CNTNAP2: variants seen among roughly 807,000 people sequenced by gnomAD.
CNTNAP2 encodes contactin associated protein 2, also known as contactin-associated protein-like 2.
Under a neutral mutation model 155.2 loss-of-function variants are expected in CNTNAP2, and 98 were observed. The observed-to-expected ratio is 0.63, with a 90% CI of 0.54 to 0.75. CNTNAP2 has a LOEUF of 0.75. Among genes scored for constraint, CNTNAP2 ranks in the 30% least tolerant of loss-of-function variants. CNTNAP2 has a pLI of 0.00. For synonymous variants in CNTNAP2, 651 were observed against 631.2 expected (o/e 1.03, Z -0.47); for missense variants, 1,727 against 1,688.1 (o/e 1.02, Z -0.40).
chr7:147,297,644 C>T (rs1525212), intron 8 of CNTNAP2, among the ~76,000 whole-genome samples: 40,783 of 152,062 alleles, frequency 0.27, 5,842 homozygotes, highest in African/African-American at 0.34. Flanking sequence ...ACCAAAAGGA[C>T]TTTAGTCAGT....
chr7:146,753,844 G>A (rs763895957), intron 1 of CNTNAP2, among the ~76,000 whole-genome samples: 18 of 151,932 alleles, frequency 1.2e-4, no homozygotes, highest in Admixed American at 2.0e-4. Context: ...TTGTGCTTGT[G>A]GTAACATAGG....
intron 14 of CNTNAP2, among the ~76,000 whole-genome samples, chr7:147,976,254 C>T (rs1426841105): frequency 6.6e-6 from 1 of 152,122 alleles, no homozygotes; most frequent in Non-Finnish European, 1.5e-5. Flanking sequence ...TGAATCTCAA[C>T]CTTCAGTTCC....
At chr7:147,235,734 C>T (rs1280015740) in intron 8 of CNTNAP2, among the ~76,000 whole-genome samples, 3 of 152,122 alleles carry the variant, frequency 2.0e-5, no homozygotes, top group East Asian at 1.9e-4. Flanking sequence ...GCTATCATTT[C>T]GTGAGTGTCT....
At chr7:147,435,025 G>A (rs1410036901) in intron 10 of CNTNAP2, among the ~76,000 whole-genome samples, 1 of 152,138 alleles carries the variant, frequency 6.6e-6, no homozygotes, top group Non-Finnish European at 1.5e-5. Context: ...TGAATTTGAG[G>A]CAACAGGACA....
At chr7:147,060,783 G>A (rs1239984513) in intron 4 of CNTNAP2, among the ~76,000 whole-genome samples, 1 of 151,966 alleles carries the variant, frequency 6.6e-6, no homozygotes, top group African/African-American at 2.4e-5. Context: ...AGAATGGCGT[G>A]AACCTGGGAG....
chr7:146,247,351 C>A (rs563296541), intron 1 of CNTNAP2, among the ~76,000 whole-genome samples: 2 of 152,002 alleles, frequency 1.3e-5, no homozygotes, highest in Non-Finnish European at 2.9e-5. Flanking sequence ...TAAGCCGGAC[C>A]GGGTGTGAGG....
At chr7:146,527,478 A>G (rs914684782) in intron 1 of CNTNAP2, among the ~76,000 whole-genome samples, 1 of 152,094 alleles carries the variant, frequency 6.6e-6, no homozygotes, top group African/African-American at 2.4e-5. Flanking sequence ...CCAGTTGAAT[A>G]TCAGGCTCAA....
chr7:147,839,957 T>A (rs979464819), intron 13 of CNTNAP2, among the ~76,000 whole-genome samples: 5 of 103,060 alleles, frequency 4.9e-5, no homozygotes, highest in African/African-American at 1.7e-4. Flanking sequence ...CACACACACA[T>A]ATATATACCA....
At chr7:147,087,583 G>C (rs984900058) in intron 4 of CNTNAP2, among the ~76,000 whole-genome samples, 8 of 152,138 alleles carry the variant, frequency 5.3e-5, no homozygotes, top group African/African-American at 1.9e-4. Flanking sequence ...CTGTAAAATG[G>C]ATACTACAGA....
At chr7:148,087,163 T>G (rs1056974690) in intron 15 of CNTNAP2, among the ~76,000 whole-genome samples, 1 of 152,134 alleles carries the variant, frequency 6.6e-6, no homozygotes, top group Non-Finnish European at 1.5e-5. Flanking sequence ...GCGTGGTCAC[T>G]GGTACCAATA....
In CNTNAP2 at chr7:147,395,623, A is replaced by G; in HGVS notation, c.1513A>G (p.Met505Val). 1.2e-6 allele frequency: 2 copies of G among 1,612,020 alleles called. No individual in the cohort carries two copies. Among genetic ancestry groups the G allele is most frequent in the Non-Finnish European group, 1.7e-6 (2 of 1,178,426 alleles). The change falls in exon 10 of 24, where the codon ATG becomes GTG. Residue 505 changes from methionine (M) to valine (V), a missense_variant. By Grantham distance (21) the Met-to-Val change is conservative. Transcript: ENST00000361727. The stretch of plus-strand genomic sequence containing the variant: ...CTGTTTCACAGGTTTTCTGAACCAG[A>G]TGAATAACTCAAGTCACTCTGTCCT... ...KYFFGGFLNQ[M>V]NNSSHSVLQP...
At chr7:147,510,795 T>G (rs1042161577) in intron 11 of CNTNAP2, among the ~76,000 whole-genome samples, 2 of 142,328 alleles carry the variant, frequency 1.4e-5, no homozygotes, top group African/African-American at 2.6e-5. Flanking sequence ...ATTACAACAC[T>G]CAATTTCTAA....
intron 13 of CNTNAP2, among the ~76,000 whole-genome samples, chr7:147,684,278 C>T (rs1795989186): frequency 6.6e-6 from 1 of 151,866 alleles, no homozygotes; most frequent in Non-Finnish European, 1.5e-5. Flanking sequence ...TAAGGTTTAA[C>T]ATTCATTCCA....
chr7:147,240,134 A>G (rs1030031423), intron 8 of CNTNAP2, among the ~76,000 whole-genome samples: 1 of 152,154 alleles, frequency 6.6e-6, no homozygotes. Flanking sequence ...CTGGCAACAT[A>G]GCAAGATGCC....
chr7:148,235,685 A>ATTTTTTT (rs398006723), intron 20 of CNTNAP2, among the ~76,000 whole-genome samples: 18 of 121,976 alleles, frequency 1.5e-4, no homozygotes, highest in East Asian at 2.4e-4. Flanking sequence ...TGCAGCAATT[A>ATTTTTTT]TTTTTTTTTT....
intron 1 of CNTNAP2, among the ~76,000 whole-genome samples, chr7:146,167,126 A>G (rs1210639640): frequency 6.6e-6 from 1 of 152,240 alleles, no homozygotes; most frequent in Admixed American, 6.5e-5. Context: ...TAGAAGTCTT[A>G]CTACCAACCA....
chr7:147,358,944 T>G (rs987792445), intron 9 of CNTNAP2, among the ~76,000 whole-genome samples: 1 of 152,144 alleles, frequency 6.6e-6, no homozygotes, highest in Non-Finnish European at 1.5e-5. Context: ...ACATACGGTT[T>G]TGGGCACCAT....
intron 13 of CNTNAP2, among the ~76,000 whole-genome samples, chr7:147,840,189 T>A (rs1798706116): frequency 6.6e-6 from 1 of 151,994 alleles, no homozygotes; most frequent in Non-Finnish European, 1.5e-5. Flanking sequence ...GGAAGGGGAA[T>A]GAGAAATTAT....
At position 148,093,247 on chromosome 7, in the gene CNTNAP2, G is replaced by C. The variant is rs141047135; in HGVS notation, c.2384-24871G>C. Among the ~76,000 whole-genome samples the C allele has an allele frequency of 2.6e-5, 4 of 151,628 alleles. No homozygotes were observed. The East Asian group carries it at 7.7e-4, about 29-fold the overall frequency. ...AAGCTAGAAAAAATAATAATAAATA[G>C]AGCCTTGTGATCATATATGTGCATC... is the stretch of plus-strand genomic sequence containing the variant. On this transcript the variant is annotated intron_variant, in intron 15 of 23. Transcript: ENST00000361727.
Sources: gnomAD v4.1 joint callset for allele counts (sites outside exome capture counted in the v4.1 genomes callset) on GRCh38, gnomAD v4.1.1 for gene constraint, MANE v1.5 for transcripts, NCBI Gene and HGNC (gene_info 2026-07-23, HGNC 2026-07-21) for gene names.